The following SEL1L2 variants were observed in gnomAD, a reference collection of about 807,000 sequenced individuals.
The protein encoded by SEL1L2 is SEL1L2 adaptor subunit of SYVN1 ubiquitin ligase.
SEL1L2 carries 89 observed loss-of-function variants against 98.8 expected under a neutral mutation model. The ratio of observed to expected loss-of-function variants is 0.90; its 90% CI spans 0.76 to 1.07. SEL1L2 has a LOEUF of 1.07. Among genes scored for constraint, SEL1L2 ranks in the 50% least tolerant of loss-of-function variants. The pLI, the probability that SEL1L2 is intolerant of heterozygous loss-of-function variation, is 0.00. For synonymous variants in SEL1L2, 262 were observed against 278.5 expected (o/e 0.94, Z 0.59); for missense variants, 788 against 812.0 (o/e 0.97, Z 0.36).
intron 1 of SEL1L2, among the ~76,000 whole-genome samples, chr20:13,975,924 G>C (rs2051510824): frequency 6.6e-6 from 1 of 152,164 alleles, no homozygotes; most frequent in South Asian, 2.1e-4. Context: ...CTGAGCTCAA[G>C]AGATCCTCTT....
At chr20:13,860,509 C>T (rs541520156) in intron 17 of SEL1L2, among the ~76,000 whole-genome samples, 16 of 152,194 alleles carry the variant, frequency 1.1e-4, no homozygotes, top group Admixed American at 2.6e-4. Flanking sequence ...ACTGTCCTGT[C>T]GCAGCATTGA....
chr20:13,937,051 G>C (rs2049487277), intron 2 of SEL1L2, among the ~76,000 whole-genome samples: 1 of 152,332 alleles, frequency 6.6e-6, no homozygotes, highest in African/African-American at 2.4e-5. Context: ...CTGTTCCACA[G>C]ATAGAATAGA....
chr20:13,931,574 A>G (rs2049146706), intron 3 of SEL1L2, 29 bp downstream of exon 3: 4 of 1,237,610 alleles, frequency 3.2e-6, no homozygotes, highest in African/African-American at 1.5e-5. Context: ...GTCATTTTAA[A>G]TTTACATGTG....
At chr20:13,887,304 G>A (rs1165423044) in intron 8 of SEL1L2, among the ~76,000 whole-genome samples, 2 of 152,112 alleles carry the variant, frequency 1.3e-5, no homozygotes, top group East Asian at 3.8e-4. Context: ...TGCCAAAGAT[G>A]TGTGCTTAGA....
chr20:13,929,556 C>A (rs2049045104), intron 3 of SEL1L2, among the ~76,000 whole-genome samples: 1 of 117,446 alleles, frequency 8.5e-6, no homozygotes, highest in South Asian at 3.1e-4. Flanking sequence ...AGTGCAGTGG[C>A]CCGATCTCAG....
At chr20:13,951,975 G>A (rs2050299796) in intron 2 of SEL1L2, among the ~76,000 whole-genome samples, 1 of 152,020 alleles carries the variant, frequency 6.6e-6, no homozygotes, top group South Asian at 2.1e-4. Flanking sequence ...GCCAGGTGAT[G>A]GAAATAAACA....
chr20:13,959,466 G>T (rs1280772597), intron 1 of SEL1L2, among the ~76,000 whole-genome samples: 1 of 152,146 alleles, frequency 6.6e-6, no homozygotes, highest in Non-Finnish European at 1.5e-5. Flanking sequence ...AAACTGCAAC[G>T]CCTGAGCCAG....
intron 1 of SEL1L2, among the ~76,000 whole-genome samples, chr20:13,957,888 T>C (rs1057294536): frequency 6.6e-6 from 1 of 152,074 alleles, no homozygotes; most frequent in Non-Finnish European, 1.5e-5. Context: ...AATAAATAAA[T>C]ATTCAAAAAC....
intron 1 of SEL1L2, among the ~76,000 whole-genome samples, chr20:13,964,971 C>G (rs997446149): frequency 6.6e-6 from 1 of 152,138 alleles, no homozygotes; most frequent in African/African-American, 2.4e-5. Flanking sequence ...TTCTAACCCC[C>G]TATTTGAGAG....
intron 5 of SEL1L2, among the ~76,000 whole-genome samples, chr20:13,902,898 A>T (rs2047745841): frequency 6.6e-6 from 1 of 152,142 alleles, no homozygotes; most frequent in Non-Finnish European, 1.5e-5. Flanking sequence ...CGGGCGGATC[A>T]TGAGGTCAAG....
intron 2 of SEL1L2, among the ~76,000 whole-genome samples, chr20:13,947,566 G>A (rs1459663987): frequency 2.7e-5 from 4 of 149,250 alleles, no homozygotes; most frequent in South Asian, 2.1e-4. Context: ...CTTGGGACCC[G>A]CTGAATGGTG....
chr20:13,924,272 GT>G (rs989442468), intron 3 of SEL1L2, among the ~76,000 whole-genome samples: 4 of 140,612 alleles, frequency 2.8e-5, no homozygotes, highest in East Asian at 2.2e-4. Context: ...CTTCAACTTG[GT>G]TTTTTTTTGT....
intron 15 of SEL1L2, 142 bp downstream of exon 15, chr20:13,866,560 C>T: frequency 1.4e-6 from 1 of 692,076 alleles, no homozygotes; most frequent in Non-Finnish European, 2.2e-6. Context: ...TCCCCTCTGA[C>T]AAATGTCAGT....
chr20:13,915,226 G>C (rs2048353951), intron 4 of SEL1L2: 1 of 1,289,406 alleles, frequency 7.8e-7, no homozygotes, highest in African/African-American at 1.5e-5. Flanking sequence ...GAAACATCCA[G>C]GTAGGCATTA....
At chr20:13,849,905 TGAA>T in intron 19 of SEL1L2, 1 of 544,196 alleles carries the variant, frequency 1.8e-6, no homozygotes, top group East Asian at 3.1e-5. Flanking sequence ...AGAACTGTTT[TGAA>T]GAAGTATATA....
At position 13,877,555 on chromosome 20, in the gene SEL1L2, C is replaced by T. The variant is rs373099694; in HGVS notation, c.991G>A (p.Ala331Thr). The change falls in exon 11 of 20, where the codon GCC becomes ACC. Residue 331 changes from alanine (A) to threonine (T), a missense_variant. Ala to Thr is a moderately conservative substitution (Grantham distance 58). Transcript: ENST00000284951. ...AATGCCATGGCATTTGCACTCCCGGCCTTTGCTGCCTTTAAGAAGTAGTGT... is the reference window on the plus strand; with the variant it reads ...AATGCCATGGCATTTGCACTCCCGGTCTTTGCTGCCTTTAAGAAGTAGTGT... ...ALHYFLKAAK[A>T]GSANAMAFIG... 1.2e-6 allele frequency: 2 copies of T among 1,613,154 alleles called. No homozygotes were observed. The highest frequency in any genetic ancestry group is 1.3e-5 in the African/African-American group (1 of 74,892).
At chr20:13,905,154 C>T (rs1041770270) in intron 5 of SEL1L2, among the ~76,000 whole-genome samples, 2 of 152,124 alleles carry the variant, frequency 1.3e-5, no homozygotes, top group African/African-American at 4.8e-5. Flanking sequence ...AGAAAACTAA[C>T]AATGGGTGAT....
At chr20:13,937,300 C>G (rs139603684) in intron 2 of SEL1L2, among the ~76,000 whole-genome samples, 8 of 152,340 alleles carry the variant, frequency 5.3e-5, no homozygotes, top group Middle Eastern at 3.4e-3. Flanking sequence ...CTCGGAGAAT[C>G]TCCAACCCGC....
At chr20:13,936,909 A>G (rs2049481202) in intron 2 of SEL1L2, among the ~76,000 whole-genome samples, 1 of 152,200 alleles carries the variant, frequency 6.6e-6, no homozygotes, top group South Asian at 2.1e-4. Context: ...CAGGAAGAGC[A>G]GGATAAAATC....
Sources: gnomAD v4.1 joint callset for allele counts (sites outside exome capture counted in the v4.1 genomes callset) on GRCh38, gnomAD v4.1.1 for gene constraint, MANE v1.5 for transcripts, NCBI Gene and HGNC (gene_info 2026-07-23, HGNC 2026-07-21) for gene names.